NBAS: variants seen among roughly 807,000 people sequenced by gnomAD.
The protein encoded by NBAS is NAG/BC035112 fusion.
NBAS carries 219 observed loss-of-function variants against 302.5 expected under a neutral mutation model. The observed-to-expected ratio is 0.72, with a 90% CI of 0.65 to 0.81. NBAS has a LOEUF of 0.81. Ranked by LOEUF, NBAS falls within the 30% of genes least tolerant of loss-of-function variation. The pLI, the probability that NBAS is intolerant of heterozygous loss-of-function variation, is 0.00. For synonymous variants in NBAS, 1,118 were observed against 1,021.6 expected (o/e 1.09, Z -1.80); for missense variants, 2,932 against 2,841.6 (o/e 1.03, Z -0.72).
chr2:15,474,390 A>G, intron 14 of NBAS, 66 bp from the exon 15 acceptor site: 1 of 1,421,850 alleles, frequency 7.0e-7, no homozygotes. Context: ...AGAATTAATG[A>G]AAGAAAATAT....
At chr2:14,862,064 C>A in the NBAS span, among the ~76,000 whole-genome samples, 1 of 152,092 alleles carries the variant, frequency 6.6e-6, no homozygotes, top group Admixed American at 6.5e-5. Context: ...AGAAGGGAAT[C>A]AGTGTGAATG....
chr2:14,851,493 C>A, the NBAS span, among the ~76,000 whole-genome samples: 24 of 145,148 alleles, frequency 1.7e-4, no homozygotes, highest in South Asian at 1.1e-3. Flanking sequence ...CCGAATTCTA[C>A]CAGAGGTACA....
chr2:15,529,256 T>C (rs1663101084), intron 9 of NBAS, among the ~76,000 whole-genome samples: 1 of 152,048 alleles, frequency 6.6e-6, no homozygotes, highest in African/African-American at 2.4e-5. Context: ...TCCCAGCACT[T>C]TGGGAGGCTG....
the NBAS span, among the ~76,000 whole-genome samples, chr2:15,081,717 AC>A: frequency 2.0e-5 from 3 of 152,062 alleles, no homozygotes; most frequent in Admixed American, 2.0e-4. Flanking sequence ...TCCCTCTTAA[AC>A]CCAGAGCCTG....
chr2:15,212,554 CAGACTTTTATCACAGTACCT>C (rs1418089333), intron 48 of NBAS, among the ~76,000 whole-genome samples: 1 of 152,160 alleles, frequency 6.6e-6, no homozygotes, highest in Non-Finnish European at 1.5e-5. Flanking sequence ...GTGTACTGTG[CAGACTTTTATCACAGTACCT>C]GATATGTTTG....
the NBAS span, among the ~76,000 whole-genome samples, chr2:15,049,882 CA>C: frequency 6.6e-6 from 1 of 152,186 alleles, no homozygotes; most frequent in Non-Finnish European, 1.5e-5. Context: ...CAGAGGCAGA[CA>C]AAAGCTGGAA....
intron 49 of NBAS, 118 bp downstream of exon 49, chr2:15,190,146 C>T (rs1665279043): frequency 2.6e-6 from 3 of 1,169,356 alleles, no homozygotes; most frequent in Non-Finnish European, 3.7e-6. Context: ...AAGGCAAATA[C>T]TGACTACGCA....
At chr2:15,512,550 A>T (rs1662198101) in intron 9 of NBAS, among the ~76,000 whole-genome samples, 1 of 152,196 alleles carries the variant, frequency 6.6e-6, no homozygotes, top group Non-Finnish European at 1.5e-5. Flanking sequence ...TAGGGAGAGT[A>T]TCCTGAATTA....
chr2:15,561,313 A>C lies in NBAS; in HGVS notation c.-9T>G. ...GACTCGGGGGCCGCCATGTTCGCCGAGGACTCAGGCAGCGGAGGAGTGTCT... is the reference window on the plus strand; with the variant it reads ...GACTCGGGGGCCGCCATGTTCGCCGCGGACTCAGGCAGCGGAGGAGTGTCT... On this transcript the variant is annotated 5_prime_UTR_variant, in exon 1 of 52. Transcript: ENST00000281513. 6.2e-7 allele frequency: 1 copy of C among 1,611,394 alleles called. No homozygotes were observed. Among genetic ancestry groups the C allele is most frequent in the Non-Finnish European group, 8.5e-7 (1 of 1,179,354 alleles).
the NBAS span, among the ~76,000 whole-genome samples, chr2:14,883,711 CTG>C: frequency 6.6e-6 from 1 of 152,122 alleles, no homozygotes; most frequent in Non-Finnish European, 1.5e-5. Context: ...ATGAATACAC[CTG>C]TAATCCTAGC....
chr2:15,552,877 GT>G (rs1462348840), intron 5 of NBAS, among the ~76,000 whole-genome samples: 3 of 150,422 alleles, frequency 2.0e-5, no homozygotes, highest in Non-Finnish European at 4.4e-5. Flanking sequence ...ACTGCAACTA[GT>G]TCTCAGCTCA....
chr2:15,379,536 A>G, intron 30 of NBAS, 66 bp downstream of exon 30: 1 of 1,447,654 alleles, frequency 6.9e-7, no homozygotes, highest in Non-Finnish European at 9.7e-7. Context: ...AGAAAAGAAT[A>G]ACAATGCAGT....
chr2:14,904,355 C>G, the NBAS span, among the ~76,000 whole-genome samples: 1 of 152,118 alleles, frequency 6.6e-6, no homozygotes, highest in Non-Finnish European at 1.5e-5. Context: ...ACCCAAGGCC[C>G]GAGAGCCCCT....
At chr2:15,364,814 T>C (rs576164767) in intron 32 of NBAS, among the ~76,000 whole-genome samples, 6 of 152,196 alleles carry the variant, frequency 3.9e-5, no homozygotes, top group East Asian at 1.9e-4. Flanking sequence ...GATGATGACC[T>C]GCTTAGCTGA....
chr2:14,982,252 G>C, the NBAS span, among the ~76,000 whole-genome samples: 1 of 152,098 alleles, frequency 6.6e-6, no homozygotes, highest in Non-Finnish European at 1.5e-5. Flanking sequence ...TCACTGTGCA[G>C]AACACTCAAG....
the NBAS span, among the ~76,000 whole-genome samples, chr2:14,934,188 T>G: frequency 2.0e-5 from 3 of 152,164 alleles, no homozygotes. Context: ...CACCCCATTT[T>G]CTCAACACCC....
intron 7 of NBAS, among the ~76,000 whole-genome samples, chr2:15,538,679 C>T (rs75408517): frequency 0.029 from 4,361 of 152,202 alleles, 99 homozygotes; most frequent in Non-Finnish European, 0.041. Flanking sequence ...ACATTATTCA[C>T]GGAATTGTCA....
chr2:14,928,773 C>T, the NBAS span, among the ~76,000 whole-genome samples: 3 of 152,200 alleles, frequency 2.0e-5, no homozygotes, highest in South Asian at 6.2e-4. Context: ...AAACAATACC[C>T]TCTGTCAAAC....
intron 32 of NBAS, among the ~76,000 whole-genome samples, chr2:15,362,866 T>A (rs780841321): frequency 7.2e-5 from 11 of 152,276 alleles, no homozygotes; most frequent in Admixed American, 3.3e-4. Context: ...TCCTAGATAA[T>A]CCTGGTGGGT....
Sources: allele counts gnomAD v4.1 joint callset (sites outside exome capture counted in the v4.1 genomes callset), GRCh38; gene constraint gnomAD v4.1.1; transcripts MANE v1.5; gene names NCBI Gene and HGNC (gene_info 2026-07-23, HGNC 2026-07-21).